The following OTOGL variants were observed in gnomAD, a reference collection of about 807,000 sequenced individuals.
The protein encoded by OTOGL is otogelin like, also known as otogelin-like protein.
OTOGL carries 285 observed loss-of-function variants against 318.5 expected under a neutral mutation model. The observed-to-expected ratio is 0.89, with a 90% CI of 0.81 to 0.99. The LOEUF is 0.99. OTOGL is among the 50% of genes least tolerant of loss of function. The pLI, the probability that OTOGL is intolerant of heterozygous loss-of-function variation, is 0.00. For missense variants in OTOGL, 2,899 were observed against 2,845.6 expected (o/e 1.02, Z -0.43); for synonymous variants, 987 against 936.5 (o/e 1.05, Z -0.99).
intron 22 of OTOGL, among the ~76,000 whole-genome samples, chr12:80,268,515 C>T (rs11614351): frequency 0.053 from 8,023 of 152,106 alleles, 297 homozygotes; most frequent in Middle Eastern, 0.088. Flanking sequence ...CTCAATTTAC[C>T]TTTGTCTTTA....
chr12:80,355,226 T>C lies in OTOGL; in HGVS notation c.5594-510T>C, dbSNP rs1889804319. ...TTTTTTCTTTTCTTTCTTTCTTTCT[T>C]TTCTTTTTTTTTTTTTTTTTTTGAG... On this transcript the variant is annotated intron_variant, in intron 46 of 58. Transcript: ENST00000547103. Among the ~76,000 whole-genome samples, 5 of 80,270 alleles carry C rather than the reference T, an allele frequency of 6.2e-5. No homozygotes were observed. The South Asian group carries it at 1.8e-3, about 29-fold the overall frequency. The allele number at this position is 80,270 out of a possible 152,430, so 52.7% of individuals were successfully genotyped here. A position where few individuals can be genotyped will look rare whatever the true frequency, so the allele number is the denominator to read the frequency against.
At chr12:80,125,250 G>A (rs1180629320) in intron 1 of OTOGL, among the ~76,000 whole-genome samples, 1 of 152,132 alleles carries the variant, frequency 6.6e-6, no homozygotes, top group Non-Finnish European at 1.5e-5. Context: ...AGCATGAAGG[G>A]TTGTTGAATT....
At chr12:80,307,014 C>T (rs372639833) in intron 29 of OTOGL, among the ~76,000 whole-genome samples, 10 of 143,178 alleles carry the variant, frequency 7.0e-5, no homozygotes, top group East Asian at 5.8e-4. Flanking sequence ...TGACTCTTAA[C>T]GAGCATGCTG....
chr12:80,139,451 A>AT (rs1871787295), intron 1 of OTOGL, among the ~76,000 whole-genome samples: 2 of 152,158 alleles, frequency 1.3e-5, no homozygotes, highest in South Asian at 2.1e-4. Flanking sequence ...GCACAACTTC[A>AT]TTTTTTGCAT....
At chr12:80,178,061 C>CTTTTTTTTTTTTTTTTTTTTTTTTTTTTT (rs71094968) in intron 1 of OTOGL, among the ~76,000 whole-genome samples, 2 of 74,920 alleles carry the variant, frequency 2.7e-5, no homozygotes, top group Non-Finnish European at 5.2e-5. Flanking sequence ...TTCTTTCTTT[C>CTTTTTTTTTTTTTTTTTTTTTTTTTTTTT]TTTTTTTTTT....
chr12:80,144,773 T>C (rs1872220178), intron 1 of OTOGL, among the ~76,000 whole-genome samples: 1 of 152,324 alleles, frequency 6.6e-6, no homozygotes, highest in Non-Finnish European at 1.5e-5. Context: ...TGGTATCTCA[T>C]TGTGGTTTTG....
intron 23 of OTOGL, among the ~76,000 whole-genome samples, chr12:80,270,719 A>G (rs1315367361): frequency 6.6e-6 from 1 of 152,148 alleles, no homozygotes; most frequent in Non-Finnish European, 1.5e-5. Context: ...ATGTAAAATG[A>G]CATCCACTGT....
At chr12:80,212,035 T>C in intron 4 of OTOGL, 38 bp downstream of exon 4, 2 of 1,522,716 alleles carry the variant, frequency 1.3e-6, no homozygotes, top group African/African-American at 1.4e-5. Context: ...GGCAGAGAAA[T>C]AATCCATTCT....
chr12:80,293,370 A>G (rs1341433440), intron 26 of OTOGL, among the ~76,000 whole-genome samples: 1 of 152,230 alleles, frequency 6.6e-6, no homozygotes, highest in Non-Finnish European at 1.5e-5. Context: ...TGATCACAAG[A>G]TAAGATCTTC....
chr12:80,233,081 T>C lies in OTOGL; in HGVS notation c.801T>C (p.Asp267=). 6.3e-7 allele frequency: 1 copy of C among 1,594,398 alleles called. No individual in the cohort carries two copies. Among genetic ancestry groups the C allele is most frequent in the African/African-American group, 1.3e-5 (1 of 74,934 alleles). The change falls in exon 9 of 59, where the codon GAT becomes GAC. Residue 267 remains aspartate (D), a synonymous_variant. Transcript: ENST00000547103. ...CGNYNDIQSD[D]FIILQEDYTE... ...ACTACAATGACATTCAATCTGATGATTTCATAATTCTGCAAGGTAAGTGAA... is the reference window on the plus strand; with the variant it reads ...ACTACAATGACATTCAATCTGATGACTTCATAATTCTGCAAGGTAAGTGAA...
intron 1 of OTOGL, among the ~76,000 whole-genome samples, chr12:80,113,143 C>A (rs748735133): frequency 5.3e-5 from 8 of 151,610 alleles, no homozygotes; most frequent in Non-Finnish European, 3.0e-5. Context: ...ATTCTTCTTT[C>A]TTTCTTTATT....
chr12:80,274,528 A>G (rs1046288275), intron 24 of OTOGL, among the ~76,000 whole-genome samples: 2 of 152,052 alleles, frequency 1.3e-5, no homozygotes, highest in Admixed American at 6.6e-5. Flanking sequence ...ATAACATAAA[A>G]GTGCAAGTGC....
intron 43 of OTOGL, 47 bp from the exon 44 acceptor site, chr12:80,341,901 A>C (rs1888791191): frequency 7.9e-7 from 1 of 1,262,288 alleles, no homozygotes; most frequent in African/African-American, 1.5e-5. Flanking sequence ...TGTGCTGTCT[A>C]CATTAGTTTA....
intron 13 of OTOGL, 68 bp downstream of exon 13, chr12:80,252,269 A>T: frequency 1.4e-6 from 2 of 1,438,668 alleles, no homozygotes; most frequent in Non-Finnish European, 1.8e-6. Context: ...TAAGGATCAC[A>T]TCTTCGTTTT....
In OTOGL at chr12:80,367,669, A is replaced by T; in HGVS notation, c.6440A>T (p.Glu2147Val). 1.3e-6 allele frequency: 2 copies of T among 1,498,468 alleles called. No homozygotes were observed. The highest frequency in any genetic ancestry group is 1.8e-6 in the Non-Finnish European group (2 of 1,120,648). 92.8% of individuals were successfully genotyped at this position (1,498,468 alleles called of 1,614,324 possible). Reference sequence around the variant, plus strand: ...TGTTATGCTATAGAGTGTCTGGAAGAAAAAGATAACCATACGGGCTTTCAC... The same window carrying T: ...TGTTATGCTATAGAGTGTCTGGAAGTAAAAGATAACCATACGGGCTTTCAC... ...DFCYAIECLE[E>V]KDNHTGFHTL... is the part of the protein sequence containing the mutation. Residue 2147 changes from glutamate (E) to valine (V), a missense_variant, in exon 54 of 59, where the codon GAA becomes GTA. By Grantham distance (121) the Glu-to-Val change is moderately radical. Transcript: ENST00000547103.
intron 34 of OTOGL, among the ~76,000 whole-genome samples, 153 bp downstream of exon 34, chr12:80,320,853 T>C (rs1887288453): frequency 6.6e-6 from 1 of 152,190 alleles, no homozygotes; most frequent in Non-Finnish European, 1.5e-5. Flanking sequence ...TACCCCTCTA[T>C]ATCTCCAATA....
chr12:80,105,960 G>A (rs964451568), intron 1 of OTOGL, among the ~76,000 whole-genome samples: 2 of 152,170 alleles, frequency 1.3e-5, no homozygotes, highest in Admixed American at 6.5e-5. Flanking sequence ...ATAAAAACAT[G>A]AGCAAACTAT....
chr12:80,352,168 A>T, intron 44 of OTOGL, 127 bp from the exon 45 acceptor site: 1 of 817,170 alleles, frequency 1.2e-6, no homozygotes, highest in Non-Finnish European at 1.8e-6. Context: ...GAAAATGTAA[A>T]GTCTATGATG....
At chr12:80,271,992 A>G (rs1034518140) in intron 24 of OTOGL, among the ~76,000 whole-genome samples, 182 bp downstream of exon 24, 1 of 152,168 alleles carries the variant, frequency 6.6e-6, no homozygotes, top group African/African-American at 2.4e-5. Flanking sequence ...AATATTATTA[A>G]TGTAATACAC....
Sources: gnomAD v4.1 joint callset for allele counts (sites outside exome capture counted in the v4.1 genomes callset) on GRCh38, gnomAD v4.1.1 for gene constraint, MANE v1.5 for transcripts, NCBI Gene and HGNC (gene_info 2026-07-23, HGNC 2026-07-21) for gene names.